GABRB1: variants seen among roughly 807,000 people sequenced by gnomAD.
GABRB1 encodes the protein gamma-aminobutyric acid type A receptor subunit beta1, also known as gamma-aminobutyric acid receptor subunit beta-1.
Under a neutral mutation model 51.6 loss-of-function variants are expected in GABRB1, and 17 were observed. The ratio of observed to expected loss-of-function variants is 0.33; its 90% CI spans 0.23 to 0.49. GABRB1 has a LOEUF of 0.49. Ranked by LOEUF, GABRB1 falls within the 20% of genes least tolerant of loss-of-function variation. The pLI is 0.99. For missense variants in GABRB1, 410 were observed against 600.6 expected, an observed-to-expected ratio of 0.68 and a Z score of 3.32; for synonymous variants, 247 against 218.9, an observed-to-expected ratio of 1.13 and a Z score of -1.14.
At chr4:47,135,199 T>A (rs1716590224) in intron 3 of GABRB1, among the ~76,000 whole-genome samples, 1 of 152,174 alleles carries the variant, frequency 6.6e-6, no homozygotes, top group Non-Finnish European at 1.5e-5. Flanking sequence ...GACTTGGATA[T>A]TTTTTAATGA....
chr4:47,350,212 T>TAG (rs778764022), intron 5 of GABRB1, among the ~76,000 whole-genome samples: 2,784 of 84,902 alleles, frequency 0.033, 43 homozygotes, highest in East Asian at 0.058. Flanking sequence ...TATATATATA[T>TAG]ATATATAGAG....
intron 2 of GABRB1, 123 bp from the exon 3 acceptor site, chr4:47,032,294 G>T: frequency 4.4e-6 from 4 of 919,370 alleles, no homozygotes; most frequent in Non-Finnish European, 6.7e-6. Context: ...CCTGAAAGGG[G>T]TGGTGGGGGG....
chr4:47,307,886 T>C (rs1724527616), intron 4 of GABRB1, among the ~76,000 whole-genome samples: 1 of 151,996 alleles, frequency 6.6e-6, no homozygotes, highest in African/African-American at 2.4e-5. Flanking sequence ...AAAAGTACCA[T>C]TTTTCATCTA....
intron 4 of GABRB1, among the ~76,000 whole-genome samples, chr4:47,313,605 G>A (rs933896536): frequency 6.6e-6 from 1 of 152,100 alleles, no homozygotes; most frequent in African/African-American, 2.4e-5. Flanking sequence ...TTTTGTTGAT[G>A]ATCTGGGGAA....
intron 8 of GABRB1, among the ~76,000 whole-genome samples, chr4:47,423,830 A>G (rs1462042644): frequency 6.6e-6 from 1 of 152,226 alleles, no homozygotes; most frequent in African/African-American, 2.4e-5. Flanking sequence ...GAATTAGGAT[A>G]ACATATATGT....
At chr4:47,402,151 C>G (rs1728418298) in intron 5 of GABRB1, among the ~76,000 whole-genome samples, 1 of 152,154 alleles carries the variant, frequency 6.6e-6, no homozygotes, top group Admixed American at 6.5e-5. Flanking sequence ...GGAAAAATAG[C>G]TTAAAATTTC....
At chr4:47,222,202 G>T (rs974327726) in intron 4 of GABRB1, among the ~76,000 whole-genome samples, 24 of 152,242 alleles carry the variant, frequency 1.6e-4, no homozygotes, top group African/African-American at 5.3e-4. Context: ...GCACATGTCA[G>T]TGACTGACCA....
At chr4:47,204,388 G>T (rs564436246) in intron 4 of GABRB1, among the ~76,000 whole-genome samples, 2 of 152,276 alleles carry the variant, frequency 1.3e-5, no homozygotes, top group South Asian at 2.1e-4. Context: ...TTGCACTTTA[G>T]ACTATTGGTC....
intron 5 of GABRB1, among the ~76,000 whole-genome samples, chr4:47,366,227 T>C (rs188244427): frequency 5.3e-5 from 8 of 152,304 alleles, no homozygotes; most frequent in Admixed American, 5.2e-4. Flanking sequence ...TTGAACCATT[T>C]TCCCAAGACA....
chr4:47,174,341 A>G (rs1718575789), intron 4 of GABRB1, among the ~76,000 whole-genome samples: 1 of 152,066 alleles, frequency 6.6e-6, no homozygotes, highest in Admixed American at 6.6e-5. Context: ...TTGGGATTAC[A>G]GGTGTGACCC....
At chr4:47,359,785 A>G (rs1726730156) in intron 5 of GABRB1, among the ~76,000 whole-genome samples, 1 of 152,114 alleles carries the variant, frequency 6.6e-6, no homozygotes, top group African/African-American at 2.4e-5. Flanking sequence ...CTTTCTGTTA[A>G]TAGCCAAACC....
rs199616887 is a variant in GABRB1, at chr4:47,044,756, AT to A, written c.240+12277del. 8.4e-3 allele frequency among the ~76,000 whole-genome samples: 1,280 copies of A among 152,118 alleles called. 14 individuals are homozygous for A. The highest frequency in any genetic ancestry group is 0.028 in the African/African-American group (1,171 of 41,508). ...CATATTCAGATATAATAAATATAAT[AT>A]TTTTGCTTGCTATTGGGGTTTTCAT... On this transcript the variant is annotated intron_variant, in intron 3 of 8. Transcript: ENST00000295454.
At chr4:47,224,143 C>T (rs1466376512) in intron 4 of GABRB1, among the ~76,000 whole-genome samples, 1 of 150,548 alleles carries the variant, frequency 6.6e-6, no homozygotes, top group Non-Finnish European at 1.5e-5. Context: ...ATGAAAAGCC[C>T]TCTCACCACT....
intron 8 of GABRB1, among the ~76,000 whole-genome samples, chr4:47,414,940 C>A (rs1031175288): frequency 1.3e-5 from 2 of 152,198 alleles, no homozygotes; most frequent in Non-Finnish European, 2.9e-5. Flanking sequence ...TTTGATGAAA[C>A]TTTCACCATC....
At chr4:47,360,797 AT>A (rs2076980971) in intron 5 of GABRB1, among the ~76,000 whole-genome samples, 1 of 152,112 alleles carries the variant, frequency 6.6e-6, no homozygotes. Flanking sequence ...AAGAATCCAC[AT>A]AATTAAGACC....
At chr4:47,422,159 C>T (rs1327688972) in intron 8 of GABRB1, among the ~76,000 whole-genome samples, 1 of 150,986 alleles carries the variant, frequency 6.6e-6, no homozygotes, top group Admixed American at 6.6e-5. Flanking sequence ...TGCTCAGAAA[C>T]ATTCTACCTC....
In GABRB1 at chr4:47,087,555, T is replaced by TTTA. The variant is rs1553914831; in HGVS notation, c.240+55071_240+55072insTTA. Among the ~76,000 whole-genome samples the TTTA allele has an allele frequency of 3.3e-3, 499 of 151,692 alleles. 5 individuals are homozygous for TTTA. Among genetic ancestry groups the TTTA allele is most frequent in the African/African-American group, 0.011 (438 of 41,388 alleles). On this transcript the variant is annotated intron_variant, in intron 3 of 8. Coordinates refer to ENST00000295454, the MANE Select transcript of GABRB1 (RefSeq NM_000812.4). ...GTTAGCACTTTCTTTTTTTTTTTTTTATTATACTTTAAGTTTTATTTTTCA... is the reference window on the plus strand; with the variant it reads ...GTTAGCACTTTCTTTTTTTTTTTTTTTTAATTATACTTTAAGTTTTATTTTTCA...
rs150836845 is a variant in GABRB1, at chr4:47,210,330, T to C, written c.461+48861T>C. Among the ~76,000 whole-genome samples the C allele has an allele frequency of 3.2e-4, 48 of 152,244 alleles. 1 individual carries two copies. The East Asian group carries it at 9.3e-3, about 29-fold the overall frequency. ...CAAGAGCTGAAATGCACACAGAGAC[T>C]GCAAAGCATATGAATGAACTGTAGC... is the stretch of plus-strand genomic sequence containing the variant. On this transcript the variant is annotated intron_variant, in intron 4 of 8. Coordinates refer to ENST00000295454, the MANE Select transcript of GABRB1 (RefSeq NM_000812.4).
chr4:47,054,151 G>A (rs1560513317), intron 3 of GABRB1, among the ~76,000 whole-genome samples: 1 of 150,774 alleles, frequency 6.6e-6, no homozygotes, highest in Non-Finnish European at 1.5e-5. Context: ...CATTTACCAA[G>A]TTTTTTTTTT....
Sources: gnomAD v4.1 joint callset for allele counts (sites outside exome capture counted in the v4.1 genomes callset) on GRCh38, gnomAD v4.1.1 for gene constraint, MANE v1.5 for transcripts, NCBI Gene and HGNC (gene_info 2026-07-23, HGNC 2026-07-21) for gene names.